CHRM3: variants seen among roughly 807,000 people sequenced by gnomAD.
CHRM3 encodes the protein cholinergic receptor muscarinic 3, also known as muscarinic acetylcholine receptor M3.
Under a neutral mutation model 41.8 loss-of-function variants are expected in CHRM3, and 11 were observed. The ratio of observed to expected loss-of-function variants is 0.26; its 90% CI spans 0.17 to 0.44. The LOEUF (loss-of-function observed/expected upper bound fraction) is 0.44, where lower values mean the gene tolerates loss of function less well. Among genes scored for constraint, CHRM3 ranks in the 20% least tolerant of loss-of-function variants. The pLI is 1.00. For synonymous variants in CHRM3, 297 were observed against 301.4 expected (o/e 0.99, Z 0.15); for missense variants, 571 against 745.4 (o/e 0.77, Z 2.72).
intron 1 of CHRM3, among the ~76,000 whole-genome samples, chr1:239,476,175 T>G (rs961322729): frequency 6.6e-6 from 1 of 152,138 alleles, no homozygotes; most frequent in Non-Finnish European, 1.5e-5. Context: ...TGGATAAAAT[T>G]GCTGGTCTGG....
At chr1:239,680,785 T>C (rs1442088531) in intron 5 of CHRM3, among the ~76,000 whole-genome samples, 2 of 152,044 alleles carry the variant, frequency 1.3e-5, no homozygotes, top group Non-Finnish European at 2.9e-5. Context: ...GTAGATGACC[T>C]TCCTTCCCAC....
chr1:239,429,161 C>T (rs1434588077), intron 1 of CHRM3, among the ~76,000 whole-genome samples: 1 of 152,196 alleles, frequency 6.6e-6, no homozygotes, highest in Non-Finnish European at 1.5e-5. Flanking sequence ...ATTACAAATT[C>T]TTAAACTTGC....
At chr1:239,583,132 A>G (rs549722993) in intron 3 of CHRM3, among the ~76,000 whole-genome samples, 3 of 152,302 alleles carry the variant, frequency 2.0e-5, no homozygotes, top group East Asian at 3.9e-4. Flanking sequence ...ATAGTTTAGT[A>G]TCTGTTTTCC....
chr1:239,787,769 C>T (rs2148840308), intron 5 of CHRM3, among the ~76,000 whole-genome samples: 1 of 152,230 alleles, frequency 6.6e-6, no homozygotes, highest in African/African-American at 2.4e-5. Flanking sequence ...CGATCTTAGG[C>T]AAGTGTCTTA....
intron 2 of CHRM3, among the ~76,000 whole-genome samples, chr1:239,512,785 G>T (rs546770406): frequency 6.6e-6 from 1 of 151,218 alleles, no homozygotes; most frequent in South Asian, 2.1e-4. Context: ...TTCATATTTT[G>T]TGTAGTTTTA....
At chr1:239,550,459 A>G (rs16838487) in intron 3 of CHRM3, among the ~76,000 whole-genome samples, 1,879 of 152,294 alleles carry the variant, frequency 0.012, 45 homozygotes, top group African/African-American at 0.043. Context: ...ACCAATAGTT[A>G]CTGATAAAAT....
chr1:239,398,428 G>C (rs990189148), intron 1 of CHRM3, among the ~76,000 whole-genome samples: 1 of 151,558 alleles, frequency 6.6e-6, no homozygotes, highest in Admixed American at 6.6e-5. Flanking sequence ...TAGAAACGGG[G>C]TTTCACCATG....
intron 3 of CHRM3, among the ~76,000 whole-genome samples, chr1:239,571,280 C>T (rs376058298): frequency 3.3e-5 from 5 of 152,148 alleles, no homozygotes; most frequent in East Asian, 3.9e-4. Flanking sequence ...AATAAGAACA[C>T]CCAAGTTAGT....
At chr1:239,700,712 AG>A (rs1434982516) in intron 5 of CHRM3, among the ~76,000 whole-genome samples, 1 of 152,086 alleles carries the variant, frequency 6.6e-6, no homozygotes, top group East Asian at 1.9e-4. Context: ...AGTGTTTGGG[AG>A]GAAAATTAAG....
chr1:239,414,885 A>C (rs1360306887), intron 1 of CHRM3, among the ~76,000 whole-genome samples: 6 of 152,208 alleles, frequency 3.9e-5, no homozygotes, highest in Admixed American at 1.3e-4. Context: ...TACTCTGTGT[A>C]TTCTAAGTAC....
chr1:239,592,872 C>T (rs1664337324), intron 3 of CHRM3, among the ~76,000 whole-genome samples: 1 of 152,032 alleles, frequency 6.6e-6, no homozygotes, highest in South Asian at 2.1e-4. Flanking sequence ...TCAGTCATTG[C>T]TCTCTGTGGT....
chr1:239,842,624 C>T (rs1012622289), intron 6 of CHRM3, among the ~76,000 whole-genome samples: 1 of 152,082 alleles, frequency 6.6e-6, no homozygotes, highest in Admixed American at 6.6e-5. Context: ...GAACCATATA[C>T]GCATCTATTT....
At chr1:239,679,940 T>A (rs1031650461) in intron 5 of CHRM3, among the ~76,000 whole-genome samples, 1 of 152,070 alleles carries the variant, frequency 6.6e-6, no homozygotes, top group African/African-American at 2.4e-5. Context: ...GAAGAGATAC[T>A]GGTTCTCCGG....
chr1:239,478,202 T>A (rs1285161639), intron 1 of CHRM3, among the ~76,000 whole-genome samples: 1 of 152,218 alleles, frequency 6.6e-6, no homozygotes, highest in African/African-American at 2.4e-5. Context: ...AGTGGTTAAC[T>A]GAATCAGGGA....
At chr1:239,485,744 T>G (rs1667146882) in intron 1 of CHRM3, among the ~76,000 whole-genome samples, 1 of 152,130 alleles carries the variant, frequency 6.6e-6, no homozygotes, top group South Asian at 2.1e-4. Flanking sequence ...GATGTAAATT[T>G]TCAGTGAGCC....
chr1:239,541,367 G>A (rs376170818), intron 2 of CHRM3, among the ~76,000 whole-genome samples: 10 of 152,098 alleles, frequency 6.6e-5, no homozygotes, highest in South Asian at 2.1e-4. Context: ...AGGGAATGTC[G>A]TTACTGGGAG....
chr1:239,591,992 G>C (rs79514083), intron 3 of CHRM3, among the ~76,000 whole-genome samples: 3,222 of 152,288 alleles, frequency 0.021, 57 homozygotes, highest in Non-Finnish European at 0.035. Flanking sequence ...TCACTCTTAA[G>C]CCCTAGATCC....
At chr1:239,893,564 G>A (rs1039376679) in intron 6 of CHRM3, among the ~76,000 whole-genome samples, 2 of 151,968 alleles carry the variant, frequency 1.3e-5, no homozygotes, top group South Asian at 4.1e-4. Flanking sequence ...TCCCCACCTC[G>A]TATGGCTATT....
At chr1:239,592,239 C>T (rs1310812698) in intron 3 of CHRM3, among the ~76,000 whole-genome samples, 1 of 152,184 alleles carries the variant, frequency 6.6e-6, no homozygotes. Flanking sequence ...TTGAACTTTA[C>T]TCTCAGAAAT....
Sources: allele counts gnomAD v4.1 joint callset (sites outside exome capture counted in the v4.1 genomes callset), GRCh38; gene constraint gnomAD v4.1.1; transcripts MANE v1.5; gene names NCBI Gene and HGNC (gene_info 2026-07-23, HGNC 2026-07-21).